BRWD3: variants seen among roughly 807,000 people sequenced by gnomAD.
BRWD3 encodes bromodomain and WD repeat-containing protein 3.
Under a neutral mutation model 149.7 loss-of-function variants are expected in BRWD3, and 10 were observed. The ratio of observed to expected loss-of-function variants is 0.07; its 90% CI spans 0.04 to 0.11. The LOEUF (loss-of-function observed/expected upper bound fraction) is 0.11. BRWD3 is among the 10% of genes least tolerant of loss of function. BRWD3 has a pLI of 1.00. For missense variants in BRWD3, 940 were observed against 1,373.2 expected (o/e 0.68, Z 4.99); for synonymous variants, 504 against 456.7 (o/e 1.10, Z -1.32).
At chrX:80,701,332 G>C (rs1482001929) in intron 24 of BRWD3, among the ~76,000 whole-genome samples, 1 of 109,246 alleles carries the variant, frequency 9.2e-6, no homozygotes, top group African/African-American at 3.3e-5. Flanking sequence ...TGGATCACCT[G>C]AGGTCAGGAG....
In BRWD3 at chrX:80,676,097, C is replaced by T. The variant is rs2072363065; in HGVS notation, c.*512G>A. ...CCAGATCGCTCTTACAATATAGAAA[C>T]TGTAAACATTTAATAGCTGCCTTTA... On this transcript the variant is annotated 3_prime_UTR_variant, in exon 41 of 41. Coordinates refer to ENST00000373275, the MANE Select transcript of BRWD3 (RefSeq NM_153252.5). The T allele has an allele frequency of 8.6e-6, 1 of 116,492 alleles. No individual in the cohort carries two copies. Among genetic ancestry groups the T allele is most frequent in the Admixed American group, 8.6e-5 (1 of 11,601 alleles). 9.6% of individuals were successfully genotyped at this position (116,492 alleles called of 1,213,427 possible). A position where few individuals can be genotyped will look rare whatever the true frequency, so the allele number is the denominator to read the frequency against.
intron 6 of BRWD3, among the ~76,000 whole-genome samples, chrX:80,746,007 G>A (rs1407634513): frequency 1.8e-5 from 2 of 110,410 alleles, no homozygotes; most frequent in East Asian, 2.8e-4. Flanking sequence ...TTCTTGGTAC[G>A]CTATAGTCAA....
chrX:80,808,870 A>G lies in BRWD3; in HGVS notation c.120+143T>C, dbSNP rs111721154. 275 of 650,561 alleles carry G rather than the reference A, an allele frequency of 4.2e-4. No individual in the cohort carries two copies. The African/African-American group carries it at 5.6e-3, about 13-fold the overall frequency. The allele number at this position is 650,561 out of a possible 1,213,427, so 53.6% of individuals were successfully genotyped here. A position where few individuals can be genotyped will look rare whatever the true frequency, so the allele number is the denominator to read the frequency against. ...AGCGTTGTCTGCCCCTTTTGAGGGAAGAAGCCAATTCACCCCGGTGACAAC... is the reference window on the plus strand; with the variant it reads ...AGCGTTGTCTGCCCCTTTTGAGGGAGGAAGCCAATTCACCCCGGTGACAAC... On this transcript the variant is annotated intron_variant, in intron 3 of 40. Coordinates refer to ENST00000373275, the MANE Select transcript of BRWD3 (RefSeq NM_153252.5).
chrX:80,726,054 T>C (rs370591157), intron 14 of BRWD3, among the ~76,000 whole-genome samples: 4 of 62,366 alleles, frequency 6.4e-5, no homozygotes, highest in African/African-American at 2.3e-4. Flanking sequence ...GTTATGTCTA[T>C]ATAACACAAC....
intron 5 of BRWD3, among the ~76,000 whole-genome samples, chrX:80,792,168 T>A (rs2074188798): frequency 8.9e-6 from 1 of 112,667 alleles, no homozygotes; most frequent in Non-Finnish European, 1.9e-5. Flanking sequence ...ATATTTTATT[T>A]CTAAGCTAGT....
chrX:80,740,828 C>T (rs2073477389), intron 8 of BRWD3, among the ~76,000 whole-genome samples: 1 of 112,049 alleles, frequency 8.9e-6, no homozygotes, highest in African/African-American at 3.2e-5. Flanking sequence ...CACAGACACA[C>T]ACATACTAAC....
intron 20 of BRWD3, among the ~76,000 whole-genome samples, chrX:80,715,755 A>C (rs1188186148): frequency 8.9e-6 from 1 of 112,164 alleles, no homozygotes; most frequent in African/African-American, 3.2e-5. Flanking sequence ...GCTGTGTTCC[A>C]ATAAAGATTA....
In BRWD3 at chrX:80,716,254, A is replaced by G; in HGVS notation, c.2232-4T>C. The G allele has an allele frequency of 8.5e-7, 1 of 1,175,499 alleles. No individual in the cohort carries two copies. Among genetic ancestry groups the G allele is most frequent in the Non-Finnish European group, 1.2e-6 (1 of 862,627 alleles). ...AGTTCGACATTCTTCCTGTACCCTAATAACAAGTCAAAGGTCAAAGTAACA... is the reference window on the plus strand; with the variant it reads ...AGTTCGACATTCTTCCTGTACCCTAGTAACAAGTCAAAGGTCAAAGTAACA... On this transcript the variant is annotated splice_polypyrimidine_tract_variant and splice_region_variant and intron_variant, in intron 19 of 40. Transcript: ENST00000373275.
At position 80,766,870 on chromosome X, in the gene BRWD3, TGA is replaced by T. The variant is rs776806990; in HGVS notation, c.431-21143_431-21142del. On this transcript the variant is annotated intron_variant, in intron 6 of 40. Coordinates refer to ENST00000373275, the MANE Select transcript of BRWD3 (RefSeq NM_153252.5). ...TCCCTTTCCTAGCCAACGGAAGCCTTGAGAGACAGCACCTGGAAAACTGGGAC... is the reference window on the plus strand; with the variant it reads ...TCCCTTTCCTAGCCAACGGAAGCCTTGAGACAGCACCTGGAAAACTGGGAC... 1.3e-3 allele frequency among the ~76,000 whole-genome samples: 145 copies of T among 112,105 alleles called. 1 individual carries two copies. Among genetic ancestry groups the T allele is most frequent in the Admixed American group, 3.5e-3 (37 of 10,678 alleles).
intron 18 of BRWD3, 56 bp from the exon 19 acceptor site, chrX:80,717,815 C>T: frequency 9.6e-7 from 1 of 1,036,419 alleles, no homozygotes; most frequent in South Asian, 1.9e-5. Context: ...CATAGTTTTC[C>T]AGAACAGAGC....
intron 38 of BRWD3, 67 bp downstream of exon 38, chrX:80,682,398 T>C (rs2072463257): frequency 2.6e-6 from 3 of 1,133,612 alleles, no homozygotes; most frequent in Non-Finnish European, 3.6e-6. Flanking sequence ...TTCATAAACT[T>C]TCACAAATTA....
At chrX:80,780,260 T>G (rs1206298578) in intron 6 of BRWD3, among the ~76,000 whole-genome samples, 2 of 110,803 alleles carry the variant, frequency 1.8e-5, no homozygotes, top group Non-Finnish European at 3.8e-5. Flanking sequence ...CTTTGGTGTA[T>G]ACTGAAAGAA....
At chrX:80,715,391 C>T (rs997280406) in intron 20 of BRWD3, among the ~76,000 whole-genome samples, 6 of 111,717 alleles carry the variant, frequency 5.4e-5, no homozygotes, top group Admixed American at 1.9e-4. Context: ...ATTCAGGGTC[C>T]ATTACCTAGA....
chrX:80,745,836 A>G (rs1393690165), intron 6 of BRWD3, 107 bp from the exon 7 acceptor site: 3 of 754,822 alleles, frequency 4.0e-6, no homozygotes, highest in South Asian at 2.4e-5. Context: ...TATTATAGCA[A>G]TTCTGCCCTG....
chrX:80,787,425 A>C (rs774653389), intron 6 of BRWD3, among the ~76,000 whole-genome samples: 45 of 111,518 alleles, frequency 4.0e-4, no homozygotes, highest in Non-Finnish European at 7.9e-4. Context: ...TTTGAAAATG[A>C]GAGCAAAGTT....
chrX:80,736,058 A>G lies in BRWD3; in HGVS notation c.844T>C (p.Tyr282His). Residue 282 changes from tyrosine to histidine, a missense_variant, in exon 9 of 41, where the codon TAC becomes CAC. Transcript: ENST00000373275. ...CCATCAGCACCAGTAGAAGTGAGGT[A>G]TCTGTTTGTGCCTTTAGTTGATGGA... ...FCPSTKGTNR[Y>H]LTSTGADGTI... 2.5e-6 allele frequency: 3 copies of G among 1,196,954 alleles called. No homozygotes were observed. The highest frequency in any genetic ancestry group is 3.4e-6 in the Non-Finnish European group (3 of 885,345).
chrX:80,801,953 T>TA (rs777351957), intron 4 of BRWD3, among the ~76,000 whole-genome samples: 11 of 107,505 alleles, frequency 1.0e-4, no homozygotes, highest in East Asian at 5.8e-4. Context: ...CCCATTTGTT[T>TA]AAAAAAAAAA....
rs771431692 is a variant in BRWD3, at chrX:80,744,077, G to A, written c.768C>T (p.Pro256=). The A allele has an allele frequency of 1.3e-5, 16 of 1,209,462 alleles. No homozygotes were observed. The highest frequency in any genetic ancestry group is 8.8e-5 in the South Asian group (5 of 56,803). ...CTGAATGGCCCTGAAGGACTGCAAC[G>A]GGTGCACAAGTTCGAAGACACCATA... The part of the protein sequence containing the change: ...VRVWCLRTCA[P]VAVLQGHSAS... The change falls in exon 8 of 41, where the codon CCC becomes CCT. Residue 256 remains proline (P), a synonymous_variant. Transcript: ENST00000373275.
chrX:80,719,482 T>C lies in BRWD3; in HGVS notation c.2044+7A>G. Reference sequence around the variant, plus strand: ...ACTACACCCTTTACAAGTATAAAAATACTTACCACCATTAACAGAGTATGC... The same window carrying C: ...ACTACACCCTTTACAAGTATAAAAACACTTACCACCATTAACAGAGTATGC... On this transcript the variant is annotated splice_region_variant and intron_variant, in intron 18 of 40. Transcript: ENST00000373275. The C allele has an allele frequency of 1.7e-6, 2 of 1,200,681 alleles. No individual in the cohort carries two copies. The highest frequency in any genetic ancestry group is 2.3e-6 in the Non-Finnish European group (2 of 885,892).
Sources: allele counts gnomAD v4.1 joint callset (sites outside exome capture counted in the v4.1 genomes callset), GRCh38; gene constraint gnomAD v4.1.1; transcripts MANE v1.5; gene names NCBI Gene and HGNC (gene_info 2026-07-23, HGNC 2026-07-21).